The following DAB1 variants were observed in gnomAD, a reference collection of about 807,000 sequenced individuals.
DAB1 encodes disabled homolog 1.
DAB1 carries 15 observed loss-of-function variants against 64.6 expected under a neutral mutation model. The ratio of observed to expected loss-of-function variants is 0.23; its 90% confidence interval spans 0.16 to 0.36. DAB1 has a LOEUF of 0.36. Ranked by LOEUF, DAB1 falls within the 10% of genes least tolerant of loss-of-function variation. The pLI, the probability that DAB1 is intolerant of heterozygous loss-of-function variation, is 1.00. For missense variants in DAB1, 596 were observed against 706.7 expected (o/e 0.84, Z 1.78); for synonymous variants, 235 against 251.9 (o/e 0.93, Z 0.64).
chr1:58,359,743 CAGTT>C (rs1159853848), intron 3 of DAB1, among the ~76,000 whole-genome samples: 1 of 95,378 alleles, frequency 1.0e-5, no homozygotes, highest in East Asian at 4.1e-4. Flanking sequence ...GTTATTTATT[CAGTT>C]AGTATTTCCT....
At chr1:57,470,663 T>C (rs1475461753) in intron 7 of DAB1, among the ~76,000 whole-genome samples, 1 of 152,172 alleles carries the variant, frequency 6.6e-6, no homozygotes, top group African/African-American at 2.4e-5. Flanking sequence ...AAGCAAAGTC[T>C]GAACACATTT....
At chr1:58,094,748 T>G (rs1650882197) in intron 5 of DAB1, among the ~76,000 whole-genome samples, 1 of 152,220 alleles carries the variant, frequency 6.6e-6, no homozygotes, top group African/African-American at 2.4e-5. Context: ...TATTTAAGCA[T>G]CTTTGGCATG....
chr1:57,285,123 C>T (rs1439145620), intron 2 of DAB1, among the ~76,000 whole-genome samples: 1 of 152,112 alleles, frequency 6.6e-6, no homozygotes, highest in Non-Finnish European at 1.5e-5. Flanking sequence ...TCACTATTTC[C>T]AGGTGTTTCT....
chr1:57,250,414 G>A (rs781683484), intron 2 of DAB1, among the ~76,000 whole-genome samples: 4 of 152,108 alleles, frequency 2.6e-5, no homozygotes, highest in Non-Finnish European at 4.4e-5. Context: ...GTACCTACGC[G>A]AGGAGGTACT....
intron 4 of DAB1, among the ~76,000 whole-genome samples, chr1:58,339,159 T>A (rs1254051645): frequency 6.6e-6 from 1 of 152,168 alleles, no homozygotes; most frequent in Non-Finnish European, 1.5e-5. Flanking sequence ...GCTATATGAA[T>A]TCTATGTAAT....
At chr1:57,640,835 G>A (rs551040434) in intron 7 of DAB1, among the ~76,000 whole-genome samples, 4 of 152,304 alleles carry the variant, frequency 2.6e-5, no homozygotes, top group South Asian at 2.1e-4. Context: ...CATTAGAGCT[G>A]CAGAGAAGTA....
At chr1:57,379,172 CT>C (rs56738617) in intron 1 of DAB1, among the ~76,000 whole-genome samples, 12,190 of 152,034 alleles carry the variant, frequency 0.08, 637 homozygotes, top group East Asian at 0.24. Flanking sequence ...AAGAAACCCC[CT>C]CCCCCACCAT....
intron 5 of DAB1, among the ~76,000 whole-genome samples, chr1:58,073,827 T>C (rs1209129387): frequency 6.6e-6 from 1 of 152,140 alleles, no homozygotes; most frequent in Non-Finnish European, 1.5e-5. Context: ...TACGAAGGTA[T>C]AATTAGAGGA....
At chr1:58,485,228 TAAAAAAAA>T (rs71043289) in intron 3 of DAB1, among the ~76,000 whole-genome samples, 1 of 42,036 alleles carries the variant, frequency 2.4e-5, no homozygotes, top group Non-Finnish European at 4.1e-5. Flanking sequence ...AGTCTACTAC[TAAAAAAAA>T]AAAAAAAAAA....
At position 58,254,140 on chromosome 1, in the gene DAB1, C is replaced by A. The variant is rs142630251; in HGVS notation, n.309+89212G>T. Among the ~76,000 whole-genome samples, 180 of 152,196 alleles carry A rather than the reference C, an allele frequency of 1.2e-3. 4 individuals carry two copies. In the East Asian group the frequency reaches 0.028, roughly 24 times the overall value. ...AGATCCACACTCAAGGGGAAACATGCAATAAGATATTGACTCAGATCCTTT... is the reference window on the plus strand; with the variant it reads ...AGATCCACACTCAAGGGGAAACATGAAATAAGATATTGACTCAGATCCTTT... On this transcript the variant is annotated intron_variant and non_coding_transcript_variant, in intron 4 of 20. Transcript: ENST00000485760.
At chr1:58,397,541 A>C (rs1337446951) in intron 3 of DAB1, among the ~76,000 whole-genome samples, 2 of 152,150 alleles carry the variant, frequency 1.3e-5, no homozygotes, top group Non-Finnish European at 2.9e-5. Flanking sequence ...GTTGAAGGCC[A>C]CGCCTCCACA....
intron 4 of DAB1, among the ~76,000 whole-genome samples, chr1:58,326,807 C>T (rs1321303439): frequency 1.3e-5 from 2 of 152,186 alleles, no homozygotes; most frequent in African/African-American, 4.8e-5. Context: ...TGGGTCCGCA[C>T]TTCCCTGCAG....
chr1:57,451,043 CG>C (rs1179133053), intron 7 of DAB1, among the ~76,000 whole-genome samples: 5 of 152,194 alleles, frequency 3.3e-5, no homozygotes, highest in East Asian at 3.9e-4. Flanking sequence ...CAGATTTAAT[CG>C]CAGGTCATGA....
chr1:57,418,572 G>A (rs1684666958), intron 1 of DAB1, among the ~76,000 whole-genome samples: 2 of 152,148 alleles, frequency 1.3e-5, no homozygotes, highest in Non-Finnish European at 2.9e-5. Flanking sequence ...AACTATTTGG[G>A]AGGACCCATC....
At chr1:58,225,255 C>A (rs1234020569) in intron 4 of DAB1, among the ~76,000 whole-genome samples, 2 of 152,112 alleles carry the variant, frequency 1.3e-5, no homozygotes, top group African/African-American at 4.8e-5. Flanking sequence ...ATCAAAACCA[C>A]AATGAGATAC....
intron 4 of DAB1, among the ~76,000 whole-genome samples, chr1:58,157,386 T>G (rs551072799): frequency 5.9e-5 from 9 of 152,238 alleles, no homozygotes; most frequent in African/African-American, 1.9e-4. Flanking sequence ...ACATTATAAT[T>G]TTGTGTACAT....
rs530949653 is a variant in DAB1 at position 57,377,160 on chromosome 1, C to A, written c.-137+46770G>T. ...TGGCACGTGCCTGTAACCTCAGCTA[C>A]GCTGGAGGCTGAGGAACGAGAATCG... On this transcript the variant is annotated intron_variant, in intron 1 of 14. Coordinates refer to ENST00000371236, the MANE Select transcript of DAB1 (RefSeq NM_001365792.1). 7.3e-4 allele frequency among the ~76,000 whole-genome samples: 111 copies of A among 152,060 alleles called. 1 individual carries two copies. The highest frequency in any genetic ancestry group is 1.0e-3 in the Non-Finnish European group (69 of 67,996).
At chr1:57,021,924 G>T (rs1646636123) in intron 11 of DAB1, among the ~76,000 whole-genome samples, 1 of 152,106 alleles carries the variant, frequency 6.6e-6, no homozygotes, top group South Asian at 2.1e-4. Context: ...CGTGACTACA[G>T]GGGCTCCACT....
intron 1 of DAB1, among the ~76,000 whole-genome samples, chr1:57,407,618 C>G (rs554738212): frequency 6.6e-6 from 1 of 152,042 alleles, no homozygotes; most frequent in African/African-American, 2.4e-5. Context: ...ATTTTTCGGC[C>G]GAGGCCCAGA....
Sources: gnomAD v4.1 joint callset for allele counts (sites outside exome capture counted in the v4.1 genomes callset) on GRCh38, gnomAD v4.1.1 for gene constraint, MANE v1.5 for transcripts, NCBI Gene and HGNC (gene_info 2026-07-23, HGNC 2026-07-21) for gene names.